FAF1: variants seen among roughly 807,000 people sequenced by gnomAD.
FAF1 encodes FAS-associated factor 1.
In FAF1, 25 loss-of-function variants were observed where a neutral mutation model predicts 92.5. The observed-to-expected ratio is 0.27, with a 90% CI of 0.20 to 0.38. The LOEUF (loss-of-function observed/expected upper bound fraction) is 0.38. Among genes scored for constraint, FAF1 ranks in the 10% least tolerant of loss-of-function variants. The pLI is 1.00. For missense variants in FAF1, 636 were observed against 793.3 expected, an observed-to-expected ratio of 0.80 and a Z score of 2.38; for synonymous variants, 234 against 273.2, an observed-to-expected ratio of 0.86 and a Z score of 1.42.
chr1:50,902,099 T>G (rs1644801312), intron 1 of FAF1, among the ~76,000 whole-genome samples: 1 of 152,196 alleles, frequency 6.6e-6, no homozygotes, highest in African/African-American at 2.4e-5. Context: ...TAAATCCTAC[T>G]AATATAAGGA....
intron 8 of FAF1, among the ~76,000 whole-genome samples, chr1:50,654,923 A>G (rs1255646334): frequency 6.6e-6 from 1 of 151,998 alleles, no homozygotes; most frequent in Non-Finnish European, 1.5e-5. Context: ...AGTGAACTCA[A>G]ATTATTACAA....
chr1:50,599,467 T>G (rs1651991274), intron 8 of FAF1, among the ~76,000 whole-genome samples: 2 of 152,308 alleles, frequency 1.3e-5, no homozygotes, highest in Non-Finnish European at 2.9e-5. Flanking sequence ...CTGCTGGTAC[T>G]TCAGCACAAA....
rs1220008519 is a variant in FAF1, at chr1:50,819,756, TATATATACGTATATATATATAC to T, written c.115-18101_115-18080del. On this transcript the variant is annotated intron_variant, in intron 2 of 18. Coordinates refer to ENST00000396153, the MANE Select transcript of FAF1 (RefSeq NM_007051.3). ...ATATATATACATATATATATACATA[TATATATACGTATATATATATAC>T]ATATATATACATATATATATATACA... is the stretch of plus-strand genomic sequence containing the variant. 1.8e-4 allele frequency among the ~76,000 whole-genome samples: 17 copies of T among 92,700 alleles called. No individual in the cohort carries two copies. The South Asian group carries it at 3.9e-3, about 21-fold the overall frequency. The allele number at this position is 92,700 out of a possible 152,430, so 60.8% of individuals were successfully genotyped here.
In FAF1 at chr1:50,865,351, G is replaced by C. The variant is rs1267638918; in HGVS notation, c.46-7354C>G. Among the ~76,000 whole-genome samples the C allele has an allele frequency of 1.8e-4, 27 of 150,844 alleles. 2 individuals carry two copies. The South Asian group carries it at 5.3e-3, about 30-fold the overall frequency. On this transcript the variant is annotated intron_variant, in intron 1 of 18. Coordinates refer to ENST00000396153, the MANE Select transcript of FAF1 (RefSeq NM_007051.3). Reference sequence around the variant, plus strand: ...TCCCATTACTGGGTATATACCCAAAGGACTATAAATCATGCTGCTATAAAG... The same window carrying C: ...TCCCATTACTGGGTATATACCCAAACGACTATAAATCATGCTGCTATAAAG...
At position 50,952,629 on chromosome 1, in the gene FAF1, C is replaced by T. The variant is rs1645226029; in HGVS notation, c.45+7138G>A. Among the ~76,000 whole-genome samples, 4 of 152,144 alleles carry T rather than the reference C, an allele frequency of 2.6e-5. No individual in the cohort carries two copies. In the South Asian group the frequency reaches 8.3e-4, roughly 32 times the overall value. ...GCCCAGTCTGGGAAGTGAGGAGCGC[C>T]TCTTCCCGGCCGCCATCCCGTCTAG... On this transcript the variant is annotated intron_variant, in intron 1 of 18. Transcript: ENST00000396153.
chr1:50,900,586 CCTCT>C (rs1045743504), intron 1 of FAF1, among the ~76,000 whole-genome samples: 22 of 152,104 alleles, frequency 1.4e-4, no homozygotes. Context: ...AGTTACTTCA[CCTCT>C]CTATTATCTA....
intron 1 of FAF1, among the ~76,000 whole-genome samples, chr1:50,925,009 T>C (rs932491767): frequency 6.6e-6 from 1 of 152,008 alleles, no homozygotes; most frequent in Non-Finnish European, 1.5e-5. Flanking sequence ...ACAAAACAGA[T>C]ACATAGACCA....
chr1:50,545,786 G>A (rs1180936504), intron 13 of FAF1, among the ~76,000 whole-genome samples: 2 of 152,176 alleles, frequency 1.3e-5, no homozygotes, highest in Admixed American at 1.3e-4. Context: ...CAAGCATTTA[G>A]TCTATAGATA....
Position 50,576,832 on chromosome 1 carries a change from C to CT in FAF1, c.1113+5785dup, listed in dbSNP as rs34718011. Among the ~76,000 whole-genome samples, 157 of 140,636 alleles carry CT rather than the reference C, an allele frequency of 1.1e-3. 1 individual carries two copies. The highest frequency in any genetic ancestry group is 6.1e-3 in the East Asian group (30 of 4,916). 92.3% of individuals were successfully genotyped at this position (140,636 alleles called of 152,430 possible). A position where few individuals can be genotyped will look rare whatever the true frequency, so the allele number is the denominator to read the frequency against. ...TAACTGTTTTTGTTTGTTCGTTTTT[C>CT]TTTTTTTTTTTTTTGTAGAGATGGT... On this transcript the variant is annotated intron_variant, in intron 12 of 18. Transcript: ENST00000396153.
intron 12 of FAF1, among the ~76,000 whole-genome samples, chr1:50,578,473 G>A (rs1488745327): frequency 6.6e-6 from 1 of 152,168 alleles, no homozygotes; most frequent in African/African-American, 2.4e-5. Flanking sequence ...GATGAAGTTT[G>A]ATTATTAAAT....
At chr1:50,813,430 C>T (rs1365174225) in intron 2 of FAF1, among the ~76,000 whole-genome samples, 1 of 151,992 alleles carries the variant, frequency 6.6e-6, no homozygotes, top group Admixed American at 6.6e-5. Flanking sequence ...AAAATGAGAT[C>T]TTACTATATG....
chr1:50,621,331 G>T (rs1653191711), intron 8 of FAF1, among the ~76,000 whole-genome samples: 1 of 152,030 alleles, frequency 6.6e-6, no homozygotes, highest in Non-Finnish European at 1.5e-5. Flanking sequence ...CCAGTGAGCA[G>T]GAGGGCTTGC....
chr1:50,726,801 C>A (rs1658678588), intron 6 of FAF1, among the ~76,000 whole-genome samples: 2 of 152,182 alleles, frequency 1.3e-5, no homozygotes, highest in Non-Finnish European at 2.9e-5. Flanking sequence ...TGCACTCCAA[C>A]CTGGGTGACA....
intron 13 of FAF1, among the ~76,000 whole-genome samples, chr1:50,565,808 T>C (rs576514190): frequency 6.6e-6 from 1 of 152,208 alleles, no homozygotes; most frequent in South Asian, 2.1e-4. Flanking sequence ...TTAGAAATAG[T>C]GTTTCCTTCT....
At chr1:50,478,932 A>G (rs1646669342) in intron 17 of FAF1, among the ~76,000 whole-genome samples, 1 of 152,236 alleles carries the variant, frequency 6.6e-6, no homozygotes, top group African/African-American at 2.4e-5. Flanking sequence ...AACTTGATAA[A>G]GTTTCAAAGT....
chr1:50,822,746 T>TTTTC (rs758301200), intron 2 of FAF1, among the ~76,000 whole-genome samples: 4,906 of 144,150 alleles, frequency 0.034, 116 homozygotes, highest in Non-Finnish European at 0.048. Flanking sequence ...TTTTGGTGTT[T>TTTTC]TTTCTTTCTT....
chr1:50,794,220 A>G (rs1661663799), intron 3 of FAF1, among the ~76,000 whole-genome samples: 1 of 152,248 alleles, frequency 6.6e-6, no homozygotes, highest in Non-Finnish European at 1.5e-5. Context: ...TGAAAGCTGT[A>G]CTTTGTATTT....
At chr1:50,525,298 A>G (rs1160533964) in intron 15 of FAF1, among the ~76,000 whole-genome samples, 1 of 152,192 alleles carries the variant, frequency 6.6e-6, no homozygotes, top group African/African-American at 2.4e-5. Context: ...CATTTTAACA[A>G]TATTGATTCT....
intron 4 of FAF1, among the ~76,000 whole-genome samples, chr1:50,771,290 G>T (rs1203280204): frequency 6.6e-6 from 1 of 152,056 alleles, no homozygotes; most frequent in African/African-American, 2.4e-5. Flanking sequence ...CACAGCAAAA[G>T]AAACTATCAA....
Sources: gnomAD v4.1 joint callset for allele counts (sites outside exome capture counted in the v4.1 genomes callset) on GRCh38, gnomAD v4.1.1 for gene constraint, MANE v1.5 for transcripts, NCBI Gene and HGNC (gene_info 2026-07-23, HGNC 2026-07-21) for gene names.